NBPF3: variants seen among roughly 807,000 people sequenced by gnomAD.
NBPF3 encodes NBPF family member NBPF3.
In NBPF3, 57 loss-of-function variants were observed where a neutral mutation model predicts 78.1. The ratio of observed to expected loss-of-function variants is 0.73; its 90% CI spans 0.59 to 0.91. NBPF3 has a LOEUF of 0.91. Ranked by LOEUF, NBPF3 falls within the 40% of genes least tolerant of loss-of-function variation. The pLI, the probability that NBPF3 is intolerant of heterozygous loss-of-function variation, is 0.00. For missense variants in NBPF3, 510 were observed against 715.3 expected, an observed-to-expected ratio of 0.71 and a Z score of 3.27; for synonymous variants, 182 against 271.7, an observed-to-expected ratio of 0.67 and a Z score of 3.25.
chr1:21,459,209 G>T (rs1340456203), intron 2 of NBPF3, among the ~76,000 whole-genome samples: 4 of 152,144 alleles, frequency 2.6e-5, no homozygotes, highest in Admixed American at 6.5e-5. Flanking sequence ...AAATGTAAAA[G>T]CTAATTTCAA....
intron 7 of NBPF3, among the ~76,000 whole-genome samples, chr1:21,474,061 C>T (rs1642754450): frequency 6.6e-6 from 1 of 152,196 alleles, no homozygotes; most frequent in African/African-American, 2.4e-5. Context: ...GAAATCAGGA[C>T]AGAAACTTTT....
upstream of NBPF3, chr1:21,436,850 C>CG: frequency 1.8e-6 from 1 of 561,730 alleles, no homozygotes; most frequent in Non-Finnish European, 2.3e-6. This position sits in a 1 kb window ranked among gnomAD's most constrained non-coding sequence, Gnocchi z 4.3. Context: ...GCCAGAGGCC[C>CG]GGGGGGAGGG....
At chr1:21,457,167 C>CGTGTGT (rs56310866) in intron 2 of NBPF3, among the ~76,000 whole-genome samples, 13,647 of 149,686 alleles carry the variant, frequency 0.091, 791 homozygotes, top group African/African-American at 0.16. Flanking sequence ...TGGTGGCTCA[C>CGTGTGT]GTGTGTGTGT....
intron 2 of NBPF3, among the ~76,000 whole-genome samples, chr1:21,465,269 A>G (rs1642196967): frequency 6.6e-6 from 1 of 152,270 alleles, no homozygotes; most frequent in Admixed American, 6.5e-5. Flanking sequence ...GAATCATCCC[A>G]TAAACTGTAA....
upstream of NBPF3, chr1:21,437,535 G>A: frequency 1.4e-6 from 2 of 1,383,942 alleles, no homozygotes; most frequent in Non-Finnish European, 9.7e-7. Context: ...CTGAGCAGGT[G>A]CTGGGGAGGT....
intron 1 of NBPF3, among the ~76,000 whole-genome samples, chr1:21,444,336 G>A (rs1001376629): frequency 6.6e-6 from 1 of 152,194 alleles, no homozygotes; most frequent in African/African-American, 2.4e-5. Flanking sequence ...TGTTACTGTA[G>A]TATAACCTAG....
At chr1:21,443,358 C>T (rs1044698691) in intron 1 of NBPF3, among the ~76,000 whole-genome samples, 2 of 152,164 alleles carry the variant, frequency 1.3e-5, no homozygotes, top group Non-Finnish European at 2.9e-5. Flanking sequence ...TAGAGGTTCA[C>T]TGTGACTTCA....
chr1:21,479,694 T>C (rs1289096976), intron 10 of NBPF3, among the ~76,000 whole-genome samples: 5 of 152,166 alleles, frequency 3.3e-5, no homozygotes, highest in Admixed American at 3.3e-4. Flanking sequence ...CCCACTCTTT[T>C]CATGATCACT....
intron 1 of NBPF3, among the ~76,000 whole-genome samples, chr1:21,442,051 C>A (rs1640682922): frequency 6.6e-6 from 1 of 152,124 alleles, no homozygotes. Context: ...CCTGTTAAAC[C>A]TTTTTATCCA....
chr1:21,458,575 A>G (rs1381995225), intron 2 of NBPF3, among the ~76,000 whole-genome samples: 1 of 152,206 alleles, frequency 6.6e-6, no homozygotes, highest in Non-Finnish European at 1.5e-5. Context: ...ACAAAGGAAT[A>G]CTACTCAGCA....
Position 21,452,247 on chromosome 1 carries a change from A to G in NBPF3, c.133+7028A>G, listed in dbSNP as rs184779497. Among the ~76,000 whole-genome samples, 4 of 152,296 alleles carry G rather than the reference A, an allele frequency of 2.6e-5. No individual in the cohort carries two copies. In the East Asian group the frequency reaches 7.7e-4, roughly 29 times the overall value. On this transcript the variant is annotated intron_variant, in intron 2 of 14. Transcript: ENST00000318249. ...CTTTATATACATATAAAATGAGCAA[A>G]CATGTGGCCATGAAACAGATGGTCA...
At chr1:21,457,358 ATATATGTATG>A (rs1156855416) in intron 2 of NBPF3, among the ~76,000 whole-genome samples, 56 of 98,798 alleles carry the variant, frequency 5.7e-4, no homozygotes, top group Non-Finnish European at 1.0e-3. Flanking sequence ...GTATATATAT[ATATATGTATG>A]TATATATATG....
chr1:21,452,859 C>T (rs1214078490), intron 2 of NBPF3, among the ~76,000 whole-genome samples: 3 of 152,238 alleles, frequency 2.0e-5, no homozygotes, highest in African/African-American at 7.2e-5. Context: ...TGCCACCTGG[C>T]ACTTTAGGTC....
Position 21,460,436 on chromosome 1 carries a change from C to T in NBPF3, c.134-8252C>T, listed in dbSNP as rs1641889352. ...TCCCCGCCCTGTGTCCAAGTGTTCTCATTGTTCAGTTCCCATCCATGAGTG... is the reference window on the plus strand; with the variant it reads ...TCCCCGCCCTGTGTCCAAGTGTTCTTATTGTTCAGTTCCCATCCATGAGTG... On this transcript the variant is annotated intron_variant, in intron 2 of 14. Transcript: ENST00000318249. The surrounding 1 kb of genome is among the most constrained non-coding windows in gnomAD (Gnocchi z 4.2). Among the ~76,000 whole-genome samples the T allele has an allele frequency of 6.6e-6, 1 of 152,188 alleles. No homozygotes were observed.
Position 21,468,751 on chromosome 1 carries a change from G to A in NBPF3, c.197G>A (p.Gly66Asp), listed in dbSNP as rs1642418199. The A allele has an allele frequency of 3.1e-6, 5 of 1,613,734 alleles. No individual in the cohort carries two copies. The highest frequency in any genetic ancestry group is 1.1e-5 in the South Asian group (1 of 91,074). The change falls in exon 3 of 15, where the codon GGT becomes GAT. Residue 66 changes from glycine (G) to aspartate (D), a missense_variant. Coordinates refer to ENST00000318249, the MANE Select transcript of NBPF3 (RefSeq NM_032264.6). ...SMVVSAGPWSGEKAEMNILEI... is the reference protein window; with the variant it reads ...SMVVSAGPWSDEKAEMNILEI... ...GTGGTATCTGCCGGCCCTTGGTCCG[G>A]TGAGAAGGCAGAGATGAACATTCTA...
chr1:21,452,720 C>T (rs1469232910), intron 2 of NBPF3, among the ~76,000 whole-genome samples: 1 of 152,204 alleles, frequency 6.6e-6, no homozygotes, highest in Admixed American at 6.5e-5. Context: ...TGATGCTGCC[C>T]CTGACTCTGG....
intron 2 of NBPF3, among the ~76,000 whole-genome samples, chr1:21,452,312 G>C (rs1489586982): frequency 6.6e-6 from 1 of 152,192 alleles, no homozygotes; most frequent in Non-Finnish European, 1.5e-5. Context: ...CAACCCAAGA[G>C]TGTCTTATCT....
At chr1:21,479,836 G>GTA (rs1298087925) in intron 10 of NBPF3, among the ~76,000 whole-genome samples, 9 of 145,204 alleles carry the variant, frequency 6.2e-5, no homozygotes, top group African/African-American at 2.2e-4. Flanking sequence ...GTGTGTGTGT[G>GTA]TGTGTGTGTG....
intron 2 of NBPF3, among the ~76,000 whole-genome samples, chr1:21,464,448 A>G (rs6426709): frequency 0.73 from 110,093 of 151,134 alleles, 40,900 homozygotes; most frequent in South Asian, 0.9. Flanking sequence ...GTCAGAGAGC[A>G]CAAGAGGGGG....
Sources: gnomAD v4.1 joint callset for allele counts (sites outside exome capture counted in the v4.1 genomes callset) on GRCh38, gnomAD v4.1.1 for gene constraint, Gnocchi (gnomAD v3.1) non-coding constraint, MANE v1.5 for transcripts, NCBI Gene and HGNC (gene_info 2026-07-23, HGNC 2026-07-21) for gene names.